Variants in CTNNBL1 observed in about 807,000 individuals in gnomAD.
CTNNBL1 encodes the protein beta-catenin-like protein 1.
In CTNNBL1, 31 loss-of-function variants were observed where a neutral mutation model predicts 72.7. The ratio of observed to expected loss-of-function variants is 0.43; its 90% CI spans 0.32 to 0.58. The LOEUF (loss-of-function observed/expected upper bound fraction) is 0.58, where lower values mean the gene tolerates loss of function less well. CTNNBL1 is among the 20% of genes least tolerant of loss of function. The pLI, the probability that CTNNBL1 is intolerant of heterozygous loss-of-function variation, is 0.08. For synonymous variants in CTNNBL1, 240 were observed against 267.3 expected (o/e 0.90, Z 1.00); for missense variants, 534 against 725.1 (o/e 0.74, Z 3.03).
At chr20:37,766,525 G>A (rs145294467) in intron 6 of CTNNBL1, among the ~76,000 whole-genome samples, 38 of 152,342 alleles carry the variant, frequency 2.5e-4, no homozygotes, top group African/African-American at 8.4e-4. Context: ...AGACGGTATC[G>A]TAGGAGTCAG....
At chr20:37,862,834 C>T (rs534162454) in intron 15 of CTNNBL1, among the ~76,000 whole-genome samples, 6 of 152,236 alleles carry the variant, frequency 3.9e-5, no homozygotes, top group Middle Eastern at 6.8e-3. Context: ...CTTCTGTCTC[C>T]GAACTCAACC....
At position 37,850,958 on chromosome 20, in the gene CTNNBL1, G is replaced by T. The variant is rs76505427; in HGVS notation, c.1392+8539G>T. On this transcript the variant is annotated intron_variant, in intron 13 of 15. Coordinates refer to ENST00000361383, the MANE Select transcript of CTNNBL1 (RefSeq NM_030877.5). ...CAGGGGCAGATTAGAAATGACATCC[G>T]CATGCTTATTTGGAGGGCTTGCGAC... 5.6e-3 allele frequency among the ~76,000 whole-genome samples: 846 copies of T among 152,292 alleles called. 3 individuals carry two copies. The highest frequency in any genetic ancestry group is 0.031 in the Middle Eastern group (9 of 294).
chr20:37,736,020 GAA>G (rs1047153701), intron 2 of CTNNBL1, among the ~76,000 whole-genome samples: 3 of 151,638 alleles, frequency 2.0e-5, no homozygotes, highest in East Asian at 1.9e-4. Context: ...ATTTTTTGGA[GAA>G]AAAATGATTT....
At chr20:37,773,480 G>GCC (rs2073543721) in intron 7 of CTNNBL1, among the ~76,000 whole-genome samples, 1 of 152,194 alleles carries the variant, frequency 6.6e-6, no homozygotes, top group South Asian at 2.1e-4. Flanking sequence ...ATTTAAGAGA[G>GCC]CCAGGCTCCT....
intron 10 of CTNNBL1, among the ~76,000 whole-genome samples, chr20:37,801,708 A>G (rs1192302563): frequency 6.6e-6 from 1 of 152,224 alleles, no homozygotes; most frequent in Non-Finnish European, 1.5e-5. Context: ...AACTTCTTCA[A>G]CCATTGATAA....
At chr20:37,700,415 T>C (rs2072830327) in intron 1 of CTNNBL1, among the ~76,000 whole-genome samples, 1 of 152,198 alleles carries the variant, frequency 6.6e-6, no homozygotes, top group African/African-American at 2.4e-5. Flanking sequence ...GTGGGAAGAT[T>C]CCAATTTTCT....
chr20:37,857,835 T>C (rs2072456300), intron 13 of CTNNBL1, among the ~76,000 whole-genome samples: 1 of 152,208 alleles, frequency 6.6e-6, no homozygotes, highest in Admixed American at 6.5e-5. Context: ...CTTAGGCCCA[T>C]GGGCTAGTCA....
chr20:37,736,818 C>T lies in CTNNBL1; in HGVS notation c.220-560C>T, dbSNP rs145873224. On this transcript the variant is annotated intron_variant, in intron 2 of 15. Coordinates refer to ENST00000361383, the MANE Select transcript of CTNNBL1 (RefSeq NM_030877.5). ...GTGCCCAGTCTTTAACACCTCAAAC[C>T]GAATTTTCTGTGTTACAGATAGTGG... is the stretch of plus-strand genomic sequence containing the variant. 4.6e-3 allele frequency among the ~76,000 whole-genome samples: 694 copies of T among 152,156 alleles called. 8 individuals are homozygous for T. Among genetic ancestry groups the T allele is most frequent in the East Asian group, 0.017 (89 of 5,160 alleles).
In CTNNBL1 at chr20:37,732,906, G is replaced by C; in HGVS notation, c.58G>C (p.Asp20His). 1 of 1,613,926 alleles carries C rather than the reference G, an allele frequency of 6.2e-7. No homozygotes were observed. The highest frequency in any genetic ancestry group is 8.5e-7 in the Non-Finnish European group (1 of 1,180,012). Reference sequence around the variant, plus strand: ...CAATAGGGGCACAAAACGTCCCCGGGATGATGAAGAGGAGGAGCAGAAGAT... The same window carrying C: ...CAATAGGGGCACAAAACGTCCCCGGCATGATGAAGAGGAGGAGCAGAAGAT... ...QPNRGTKRPR[D>H]DEEEEQKMRR... Residue 20 changes from aspartate to histidine, a missense_variant, in exon 2 of 16, where the codon GAT (aspartate) becomes CAT (histidine). Coordinates refer to ENST00000361383, the MANE Select transcript of CTNNBL1 (RefSeq NM_030877.5).
At chr20:37,708,257 G>A (rs953032704) in intron 1 of CTNNBL1, among the ~76,000 whole-genome samples, 1 of 152,100 alleles carries the variant, frequency 6.6e-6, no homozygotes, top group East Asian at 1.9e-4. Flanking sequence ...CAGGATCATG[G>A]TTCCCTGCAG....
chr20:37,803,126 C>G, intron 11 of CTNNBL1, 78 bp downstream of exon 11: 1 of 1,344,166 alleles, frequency 7.4e-7, no homozygotes, highest in Non-Finnish European at 1.0e-6. Context: ...TTGAAAAATT[C>G]TGACGTGTTT....
In CTNNBL1 at chr20:37,831,071, G is replaced by A. The variant is rs140288311; in HGVS notation, c.1214-9031G>A. 4.4e-4 allele frequency among the ~76,000 whole-genome samples: 67 copies of A among 152,306 alleles called. No homozygotes were observed. In the East Asian group the frequency reaches 0.013, roughly 29 times the overall value. On this transcript the variant is annotated intron_variant, in intron 11 of 15. Transcript: ENST00000361383. ...TGTGCCCATAGAACCCCAAATTCTG[G>A]TTTCTGTCCACCAACTTTACCACTG...
chr20:37,748,991 A>G (rs1317540782), intron 4 of CTNNBL1, among the ~76,000 whole-genome samples: 1 of 152,202 alleles, frequency 6.6e-6, no homozygotes, highest in Non-Finnish European at 1.5e-5. Context: ...ATTTCAGTTC[A>G]CCTACAGAAG....
rs2073637483 is a variant in CTNNBL1 at position 37,782,832 on chromosome 20, A to G, written c.1031+3497A>G. ...TTTCATAAAATTTAGAGTTGAAAAC[A>G]TAGATTCTCATACTTAAGTTTGTCC... On this transcript the variant is annotated intron_variant, in intron 10 of 15. Transcript: ENST00000361383. 1.3e-5 allele frequency among the ~76,000 whole-genome samples: 2 copies of G among 152,196 alleles called. 1 individual carries two copies. The highest frequency in any genetic ancestry group is 1.3e-4 in the Admixed American group (2 of 15,278).
rs1428159254 is a variant in CTNNBL1 at position 37,746,869 on chromosome 20, A to G, written c.466+262A>G. 1.3e-5 allele frequency among the ~76,000 whole-genome samples: 2 copies of G among 152,246 alleles called. 1 individual carries two copies. The highest frequency in any genetic ancestry group is 2.9e-5 in the Non-Finnish European group (2 of 68,040). On this transcript the variant is annotated intron_variant, in intron 4 of 15. Coordinates refer to ENST00000361383, the MANE Select transcript of CTNNBL1 (RefSeq NM_030877.5). ...TTAGTACTAGAATTCATCGTGATATATCTGTTCATACATTAACAGCTTTAC... is the reference window on the plus strand; with the variant it reads ...TTAGTACTAGAATTCATCGTGATATGTCTGTTCATACATTAACAGCTTTAC...
At chr20:37,809,877 C>A (rs1445017896) in intron 11 of CTNNBL1, among the ~76,000 whole-genome samples, 1 of 152,144 alleles carries the variant, frequency 6.6e-6, no homozygotes. Flanking sequence ...TATTTAACAT[C>A]TTTATATCAT....
chr20:37,779,283 C>T lies in CTNNBL1; in HGVS notation c.979C>T (p.Arg327Cys), dbSNP rs753242321. ...LCSCLMLSSN[R>C]ERFLKGEGLQ... ...CTCCTGTCTAATGCTTAGTTCCAATCGTGAGCGCTTCCTGAAGGGCGAGGG... is the reference window on the plus strand; with the variant it reads ...CTCCTGTCTAATGCTTAGTTCCAATTGTGAGCGCTTCCTGAAGGGCGAGGG... The change falls in exon 10 of 16, where the codon CGT (arginine) becomes TGT (cysteine). Residue 327 changes from arginine (R) to cysteine (C), a missense_variant. Transcript: ENST00000361383. 5.6e-6 allele frequency: 9 copies of T among 1,613,766 alleles called. No homozygotes were observed. Among genetic ancestry groups the T allele is most frequent in the Non-Finnish European group, 6.8e-6 (8 of 1,179,718 alleles).
At position 37,728,059 on chromosome 20, in the gene CTNNBL1, A is replaced by G. The variant is rs532745883; in HGVS notation, c.31-4820A>G. On this transcript the variant is annotated intron_variant, in intron 1 of 15. Coordinates refer to ENST00000361383, the MANE Select transcript of CTNNBL1 (RefSeq NM_030877.5). ...TCCATATTTCACTCAATGTTGCTGGAAAGGCAAATCCATTTTAGCTTGTAT... is the reference window on the plus strand; with the variant it reads ...TCCATATTTCACTCAATGTTGCTGGGAAGGCAAATCCATTTTAGCTTGTAT... 1.3e-3 allele frequency among the ~76,000 whole-genome samples: 199 copies of G among 152,318 alleles called. 1 individual carries two copies. The highest frequency in any genetic ancestry group is 6.8e-3 in the Middle Eastern group (2 of 294).
rs6122899 is a variant in CTNNBL1, at chr20:37,715,303, A to G, written c.31-17576A>G. Among the ~76,000 whole-genome samples, 429 of 152,344 alleles carry G rather than the reference A, an allele frequency of 2.8e-3. 5 individuals are homozygous for G. The highest frequency in any genetic ancestry group is 0.017 in the East Asian group (89 of 5,188). The stretch of plus-strand genomic sequence containing the variant: ...TTGGCAGTTCACTAAGCAAGCCACC[A>G]CACTTTGGCTTCCTTACTTGTAGAA... On this transcript the variant is annotated intron_variant, in intron 1 of 15. Transcript: ENST00000361383.
Sources: allele counts gnomAD v4.1 joint callset (sites outside exome capture counted in the v4.1 genomes callset), GRCh38; gene constraint gnomAD v4.1.1; transcripts MANE v1.5; gene names NCBI Gene and HGNC (gene_info 2026-07-23, HGNC 2026-07-21).